The following RYR2 variants were observed in gnomAD, a reference collection of about 807,000 sequenced individuals.
RYR2 encodes ryanodine receptor 2.
RYR2 carries 227 observed loss-of-function variants against 601.1 expected under a neutral mutation model. The ratio of observed to expected loss-of-function variants is 0.38; its 90% CI spans 0.34 to 0.42. The LOEUF is 0.42. Ranked by LOEUF, RYR2 falls within the 10% of genes least tolerant of loss-of-function variation. The pLI is 1.00. For synonymous variants in RYR2, 2,223 were observed against 2,175.1 expected, an observed-to-expected ratio of 1.02 and a Z score of -0.61; for missense variants, 4,646 against 6,156.5, an observed-to-expected ratio of 0.75 and a Z score of 8.21.
Position 237,286,514 on chromosome 1 carries a change from T to C in RYR2, c.168+15898T>C, listed in dbSNP as rs368905202. On this transcript the variant is annotated intron_variant, in intron 2 of 104. Coordinates refer to ENST00000366574, the MANE Select transcript of RYR2 (RefSeq NM_001035.3). Reference sequence around the variant, plus strand: ...TGTTGGATGAAATGCTCCGTATATATCTGTTAAGTCCATTTCTTCCAATGT... The same window carrying C: ...TGTTGGATGAAATGCTCCGTATATACCTGTTAAGTCCATTTCTTCCAATGT... Among the ~76,000 whole-genome samples, 45 of 151,128 alleles carry C rather than the reference T, an allele frequency of 3.0e-4. 1 individual carries two copies. Among genetic ancestry groups the C allele is most frequent in the African/African-American group, 1.1e-3 (45 of 40,844 alleles).
At chr1:237,724,196 T>TGC (rs1690003826) in intron 74 of RYR2, among the ~76,000 whole-genome samples, 2 of 43,292 alleles carry the variant, frequency 4.6e-5, no homozygotes, top group Non-Finnish European at 2.4e-4. Context: ...TATATATATA[T>TGC]ATATATATAT....
chr1:237,554,752 C>A (rs1463998354), intron 27 of RYR2, among the ~76,000 whole-genome samples: 2 of 151,798 alleles, frequency 1.3e-5, no homozygotes, highest in Non-Finnish European at 2.9e-5. Flanking sequence ...ATTTAGGTTG[C>A]CATATATAGG....
intron 29 of RYR2, among the ~76,000 whole-genome samples, chr1:237,579,000 AATCAGAT>A (rs1289151581): frequency 6.6e-6 from 1 of 150,596 alleles, no homozygotes; most frequent in African/African-American, 2.5e-5. Flanking sequence ...AAGGACTGAG[AATCAGAT>A]ATCAGCTTAG....
intron 1 of RYR2, among the ~76,000 whole-genome samples, chr1:237,065,058 T>C (rs1663396406): frequency 6.6e-6 from 1 of 152,090 alleles, no homozygotes; most frequent in African/African-American, 2.4e-5. Flanking sequence ...GTTGAAATAA[T>C]GATAGAGTCA....
chr1:237,755,190 C>A, intron 80 of RYR2: 1 of 885,842 alleles, frequency 1.1e-6, no homozygotes, highest in Non-Finnish European at 1.5e-6. Flanking sequence ...GAGCCCATTT[C>A]TTTTCCCCCT....
At chr1:237,725,836 T>C (rs895019580) in intron 74 of RYR2, among the ~76,000 whole-genome samples, 50 of 152,138 alleles carry the variant, frequency 3.3e-4, no homozygotes, top group African/African-American at 1.2e-3. Flanking sequence ...ACTTAAAATA[T>C]GTTTGTCAAC....
At chr1:237,832,480 T>A in intron 104 of RYR2, 72 bp from the exon 105 acceptor site, 1 of 945,854 alleles carries the variant, frequency 1.1e-6, no homozygotes, top group Non-Finnish European at 1.7e-6. Context: ...GTAACAGAAT[T>A]GAGTTTCTAC....
chr1:237,806,431 TTAG>T, intron 99 of RYR2, 148 bp downstream of exon 99: 2 of 736,910 alleles, frequency 2.7e-6, no homozygotes, highest in Non-Finnish European at 2.2e-6. Context: ...ACTGCAGGGA[TTAG>T]TAGTTTGAGG....
chr1:237,787,846 A>G, intron 91 of RYR2, 142 bp from the exon 92 acceptor site: 3 of 765,310 alleles, frequency 3.9e-6, no homozygotes, highest in Non-Finnish European at 6.3e-6. Context: ...AATTCAGAAT[A>G]TTATCATTCA....
At chr1:237,428,739 A>C (rs545002083) in intron 12 of RYR2, among the ~76,000 whole-genome samples, 199 of 130,790 alleles carry the variant, frequency 1.5e-3, no homozygotes, top group African/African-American at 5.9e-3. Flanking sequence ...CACATTCTGC[A>C]CATGTATCCT....
chr1:237,482,543 T>C (rs12093514), intron 17 of RYR2, among the ~76,000 whole-genome samples: 6,777 of 152,284 alleles, frequency 0.045, 329 homozygotes, highest in African/African-American at 0.12. Context: ...CACATTCTTT[T>C]TTATGGCTGA....
intron 92 of RYR2, among the ~76,000 whole-genome samples, chr1:237,788,548 C>T (rs535009447): frequency 1.6e-4 from 24 of 152,184 alleles, no homozygotes; most frequent in East Asian, 7.7e-4. Context: ...ATAACATCAC[C>T]GTTTTACTTA....
At chr1:237,246,254 C>G (rs893652166) in intron 1 of RYR2, among the ~76,000 whole-genome samples, 1 of 152,032 alleles carries the variant, frequency 6.6e-6, no homozygotes, top group African/African-American at 2.4e-5. Context: ...TGCCACCAAG[C>G]CCGGCTAATT....
intron 4 of RYR2, among the ~76,000 whole-genome samples, chr1:237,361,175 T>G (rs1453645497): frequency 6.6e-6 from 1 of 152,200 alleles, no homozygotes; most frequent in Non-Finnish European, 1.5e-5. Flanking sequence ...TAGTTGAAGC[T>G]TTTCAACCTC....
rs141861007 is a variant in RYR2, at chr1:237,368,241, T to C, written c.310-1293T>C. Among the ~76,000 whole-genome samples the C allele has an allele frequency of 6.4e-3, 970 of 152,328 alleles. 5 individuals carry two copies. Among genetic ancestry groups the C allele is most frequent in the Middle Eastern group, 0.014 (4 of 294 alleles). ...CATTCCATTCTTATAAAAACTTTAT[T>C]AAATTATAACATCAATACATATTTA... On this transcript the variant is annotated intron_variant, in intron 5 of 104. Coordinates refer to ENST00000366574, the MANE Select transcript of RYR2 (RefSeq NM_001035.3).
rs114118501 is a variant in RYR2, at chr1:237,623,951, C to T, written c.6022+81C>T. On this transcript the variant is annotated intron_variant, in intron 39 of 104. Transcript: ENST00000366574. ...CCTGAGACGAAATTAAGTGTATATG[C>T]GAATATTTTCACGAATACACACGAT... 6,533 of 886,970 alleles carry T rather than the reference C, an allele frequency of 7.4e-3. 253 individuals carry two copies. The African/African-American group carries it at 0.094, about 13-fold the overall frequency. The allele number at this position is 886,970 out of a possible 1,614,324, so 54.9% of individuals were successfully genotyped here.
chr1:237,580,181 G>GTTTT (rs1188429837), intron 29 of RYR2, among the ~76,000 whole-genome samples: 1 of 105,804 alleles, frequency 9.5e-6, no homozygotes. Context: ...TTGAGACGGA[G>GTTTT]TTTTGCTCTC....
chr1:237,292,497 G>A (rs964634288), intron 2 of RYR2, among the ~76,000 whole-genome samples: 1 of 152,146 alleles, frequency 6.6e-6, no homozygotes, highest in Non-Finnish European at 1.5e-5. Context: ...CTTTGACTGT[G>A]TGTGTGTTAG....
Position 237,360,351 on chromosome 1 carries a change from T to A in RYR2, c.295-4007T>A, listed in dbSNP as rs373526639. Among the ~76,000 whole-genome samples the A allele has an allele frequency of 4.7e-3, 711 of 152,282 alleles. 6 individuals carry two copies. Among genetic ancestry groups the A allele is most frequent in the African/African-American group, 0.016 (664 of 41,568 alleles). ...AGAGAAATTCTCTATCGAGACAAGC[T>A]GGGAAATGAAGAAAGCCCTAGATAC... On this transcript the variant is annotated intron_variant, in intron 4 of 104. Coordinates refer to ENST00000366574, the MANE Select transcript of RYR2 (RefSeq NM_001035.3).
Sources: gnomAD v4.1 joint callset for allele counts (sites outside exome capture counted in the v4.1 genomes callset) on GRCh38, gnomAD v4.1.1 for gene constraint, MANE v1.5 for transcripts, NCBI Gene and HGNC (gene_info 2026-07-23, HGNC 2026-07-21) for gene names.